The following PTPN14 variants were observed in gnomAD, a reference collection of about 807,000 sequenced individuals.
PTPN14 encodes the protein tyrosine-protein phosphatase non-receptor type 14.
A neutral mutation model predicts 126.8 loss-of-function variants in PTPN14; 53 were observed. The observed-to-expected ratio is 0.42, with a 90% confidence interval of 0.34 to 0.53. The LOEUF (loss-of-function observed/expected upper bound fraction) is 0.53, where lower values mean the gene tolerates loss of function less well. Ranked by LOEUF, PTPN14 falls within the 20% of genes least tolerant of loss-of-function variation. The pLI is 0.08. For missense variants in PTPN14, 1,257 were observed against 1,552.9 expected, an observed-to-expected ratio of 0.81 and a Z score of 3.20; for synonymous variants, 630 against 599.3, an observed-to-expected ratio of 1.05 and a Z score of -0.75.
intron 18 of PTPN14, among the ~76,000 whole-genome samples, chr1:214,360,633 G>GT (rs1229468554): frequency 6.6e-6 from 1 of 152,232 alleles, no homozygotes; most frequent in Non-Finnish European, 1.5e-5. Context: ...CCCACCAAAG[G>GT]TTTTAGCCAG....
rs780781348 is a variant in PTPN14, at chr1:214,383,984, A to T, written c.1871T>A (p.Val624Glu). The change falls in exon 13 of 19, where the codon GTG becomes GAG. Residue 624 changes from valine (V) to glutamate (E), a missense_variant. Physicochemically the swap from Val to Glu is moderately radical, Grantham distance 121. Around this residue, in one of 3 missense-constraint regions of PTPN14, gnomAD observed 1,021 missense variants for 1,183.3 expected, o/e 0.86. Coordinates refer to ENST00000366956, the MANE Select transcript of PTPN14 (RefSeq NM_005401.5). This position sits in a 1 kb window ranked among gnomAD's most constrained non-coding sequence, Gnocchi z 4.4. ...CTTGGTGGCCGTGAGGGGCTCGCTC[A>T]CCTCCTGGAGAGACTGATGAACCAC... ...SPVVHQSLQE[V>E]SEPLTATKHH... The T allele has an allele frequency of 1.2e-6, 2 of 1,610,192 alleles. No individual in the cohort carries two copies. The highest frequency in any genetic ancestry group is 2.2e-5 in the South Asian group (2 of 91,036).
intron 11 of PTPN14, among the ~76,000 whole-genome samples, chr1:214,390,371 T>TCAAA (rs896532916): frequency 3.9e-5 from 6 of 152,168 alleles, no homozygotes; most frequent in African/African-American, 1.2e-4. Context: ...GAGAGCAGCT[T>TCAAA]CAAACAAACA....
At chr1:214,414,432 A>G (rs575477837) in intron 4 of PTPN14, among the ~76,000 whole-genome samples, 197 bp downstream of exon 4, 13 of 152,252 alleles carry the variant, frequency 8.5e-5, no homozygotes, top group Non-Finnish European at 1.9e-4. Context: ...AGCAGTTTGC[A>G]AACAGCTTTG....
intron 5 of PTPN14, among the ~76,000 whole-genome samples, chr1:214,408,100 C>T (rs1659212820): frequency 6.6e-6 from 1 of 152,168 alleles, no homozygotes; most frequent in Non-Finnish European, 1.5e-5. Flanking sequence ...GGGCATGTGA[C>T]CTCTCCCCAT....
At position 214,527,016 on chromosome 1, in the gene PTPN14, G is replaced by A. The variant is rs547047064; in HGVS notation, c.-155+24167C>T. On this transcript the variant is annotated intron_variant, in intron 1 of 18. Transcript: ENST00000366956. The stretch of plus-strand genomic sequence containing the variant: ...TGAGTCAGGAGAATCACTTGAACCC[G>A]GGAGACAGAGGTTGCGATGAGCCAA... Among the ~76,000 whole-genome samples, 7 of 152,108 alleles carry A rather than the reference G, an allele frequency of 4.6e-5. No homozygotes were observed. In the East Asian group the frequency reaches 5.8e-4, roughly 13 times the overall value.
At chr1:214,424,519 C>T (rs956499720) in intron 3 of PTPN14, among the ~76,000 whole-genome samples, 7 of 151,286 alleles carry the variant, frequency 4.6e-5, no homozygotes, top group African/African-American at 1.7e-4. Context: ...GAGTGGGACA[C>T]CCCACTTTCT....
intron 6 of PTPN14, among the ~76,000 whole-genome samples, chr1:214,402,550 C>T (rs1659048684): frequency 6.7e-6 from 1 of 149,824 alleles, no homozygotes; most frequent in Non-Finnish European, 1.5e-5. Context: ...TTTTTCTTTC[C>T]TTCACCTGCC....
At position 214,428,211 on chromosome 1, in the gene PTPN14, T is replaced by C. The variant is rs562364598; in HGVS notation, c.345-13485A>G. 2.0e-5 allele frequency among the ~76,000 whole-genome samples: 3 copies of C among 152,272 alleles called. No homozygotes were observed. The South Asian group carries it at 6.2e-4, about 32-fold the overall frequency. On this transcript the variant is annotated intron_variant, in intron 3 of 18. Coordinates refer to ENST00000366956, the MANE Select transcript of PTPN14 (RefSeq NM_005401.5). ...AGGTTACAGTGGACGCAGAAGGAAG[T>C]AGTCAGAATCCAGACATATTCTGAA... is the stretch of plus-strand genomic sequence containing the variant.
intron 9 of PTPN14, among the ~76,000 whole-genome samples, chr1:214,394,561 C>T (rs543117121): frequency 2.6e-5 from 4 of 152,254 alleles, no homozygotes; most frequent in Admixed American, 1.3e-4. Flanking sequence ...GTGCCCACCA[C>T]CATGCTTGGG....
chr1:214,497,629 CA>C (rs113468506), intron 1 of PTPN14, among the ~76,000 whole-genome samples: 28,703 of 151,988 alleles, frequency 0.19, 2,861 homozygotes, highest in Middle Eastern at 0.35. Context: ...TGCAAAGGTA[CA>C]AAACATTTAT....
rs1480344406 is a variant in PTPN14, at chr1:214,349,815, CAAGT to C, written c.*8103_*8106del. The C allele has an allele frequency of 6.6e-6, 1 of 151,492 alleles. No individual in the cohort carries two copies. Among genetic ancestry groups the C allele is most frequent in the Admixed American group, 6.6e-5 (1 of 15,216 alleles). 9.4% of individuals were successfully genotyped at this position (151,492 alleles called of 1,614,324 possible). A position where few individuals can be genotyped will look rare whatever the true frequency, so the allele number is the denominator to read the frequency against. ...AATTGCAGTAAAATTGTACAATGTT[CAAGT>C]TGAAAAAAAAAATGGCTCTGAATTA... On this transcript the variant is annotated 3_prime_UTR_variant, in exon 19 of 19. Transcript: ENST00000366956.
intron 18 of PTPN14, among the ~76,000 whole-genome samples, chr1:214,359,908 C>A (rs1231453972): frequency 6.6e-6 from 1 of 152,176 alleles, no homozygotes; most frequent in African/African-American, 2.4e-5. Context: ...TATATACTAT[C>A]ATTAATGAAA....
intron 12 of PTPN14, among the ~76,000 whole-genome samples, chr1:214,385,520 C>T (rs558242290): frequency 6.6e-6 from 1 of 151,718 alleles, no homozygotes; most frequent in Admixed American, 6.6e-5. Context: ...TACAATCAGG[C>T]CCAACCTGAT....
intron 2 of PTPN14, among the ~76,000 whole-genome samples, chr1:214,455,809 G>A (rs1403332773): frequency 6.6e-6 from 1 of 152,128 alleles, no homozygotes; most frequent in Non-Finnish European, 1.5e-5. Flanking sequence ...GTGGCAGGTT[G>A]GTGTGTGGAT....
intron 1 of PTPN14, among the ~76,000 whole-genome samples, chr1:214,517,068 G>A (rs1419265688): frequency 4.0e-5 from 6 of 151,896 alleles, no homozygotes; most frequent in South Asian, 4.2e-4. Context: ...TATCTCCTCC[G>A]CTCCTAAGGC....
At chr1:214,516,193 T>A (rs1655098716) in intron 1 of PTPN14, among the ~76,000 whole-genome samples, 1 of 152,124 alleles carries the variant, frequency 6.6e-6, no homozygotes, top group Non-Finnish European at 1.5e-5. Flanking sequence ...TAAAACAAAT[T>A]TTTGCTTCTA....
At chr1:214,406,412 C>T (rs536201182) in intron 5 of PTPN14, among the ~76,000 whole-genome samples, 3 of 149,910 alleles carry the variant, frequency 2.0e-5, no homozygotes, top group Admixed American at 6.7e-5. Flanking sequence ...ACCCAGGAGG[C>T]GGAGGTTGCA....
At chr1:214,520,047 CAAAAAAA>C (rs1183768381) in intron 1 of PTPN14, among the ~76,000 whole-genome samples, 1 of 80,768 alleles carries the variant, frequency 1.2e-5, no homozygotes, top group Non-Finnish European at 2.1e-5. Flanking sequence ...AACCCTGTCT[CAAAAAAA>C]AAAAAAAAAA....
intron 1 of PTPN14, among the ~76,000 whole-genome samples, chr1:214,515,840 T>C (rs141357898): frequency 1.1e-3 from 168 of 152,276 alleles, no homozygotes; most frequent in African/African-American, 3.5e-3. Context: ...TTTAATCCCA[T>C]AAAAGGGATT....
Sources: allele counts gnomAD v4.1 joint callset (sites outside exome capture counted in the v4.1 genomes callset), GRCh38; gene constraint gnomAD v4.1.1; regional missense constraint gnomAD v4.1.1; non-coding constraint Gnocchi (gnomAD v3.1); transcripts MANE v1.5; gene names NCBI Gene and HGNC (gene_info 2026-07-23, HGNC 2026-07-21).